TUFT1: variants seen among roughly 807,000 people sequenced by gnomAD.
TUFT1 encodes tuftelin.
In TUFT1, 43 loss-of-function variants were observed where a neutral mutation model predicts 57.8. That is an observed-to-expected ratio of 0.74 (90% CI 0.58 to 0.96). The LOEUF (loss-of-function observed/expected upper bound fraction) is 0.96, where lower values mean the gene tolerates loss of function less well. Ranked by LOEUF, TUFT1 falls within the 40% of genes least tolerant of loss-of-function variation. The probability of loss-of-function intolerance (pLI) is 0.00; values close to 1 mark genes in which losing one functional copy is unlikely to be tolerated. For synonymous variants in TUFT1, 166 were observed against 176.7 expected (o/e 0.94, Z 0.48); for missense variants, 459 against 489.0 (o/e 0.94, Z 0.58).
chr1:151,552,733 A>AT (rs1665551384), intron 1 of TUFT1, among the ~76,000 whole-genome samples: 3 of 149,716 alleles, frequency 2.0e-5, no homozygotes, highest in South Asian at 2.1e-4. Flanking sequence ...AAAAAAAAAA[A>AT]GGCATACAGA....
chr1:151,553,074 G>A (rs6587600), intron 1 of TUFT1, among the ~76,000 whole-genome samples: 146,166 of 152,154 alleles, frequency 0.96, 70,487 homozygotes, highest in East Asian at 1. Flanking sequence ...TATGACTTCA[G>A]ATCAAGCAAG....
chr1:151,563,196 T>C (rs1362156418), intron 3 of TUFT1, among the ~76,000 whole-genome samples: 1 of 152,164 alleles, frequency 6.6e-6, no homozygotes, highest in African/African-American at 2.4e-5. Context: ...ATGGAACTTA[T>C]TTTTTAAAAA....
intron 9 of TUFT1, among the ~76,000 whole-genome samples, chr1:151,577,587 C>T (rs1183083317): frequency 1.3e-5 from 2 of 152,098 alleles, no homozygotes; most frequent in Non-Finnish European, 2.9e-5. Context: ...GCTCAGTTTG[C>T]TTAGAAGATG....
At chr1:151,542,276 A>G (rs756860219) in intron 1 of TUFT1, among the ~76,000 whole-genome samples, 1 of 151,398 alleles carries the variant, frequency 6.6e-6, no homozygotes, top group Admixed American at 6.6e-5. Flanking sequence ...GCTGGAGTGC[A>G]ATGGCATGAT....
At chr1:151,565,605 G>A (rs767546585) in intron 5 of TUFT1, among the ~76,000 whole-genome samples, 39 of 152,244 alleles carry the variant, frequency 2.6e-4, no homozygotes, top group Non-Finnish European at 5.1e-4. Context: ...TGCAGAGACT[G>A]GCCCAAAGTC....
intron 11 of TUFT1, 76 bp downstream of exon 11, chr1:151,579,808 G>A: frequency 7.1e-7 from 1 of 1,412,138 alleles, no homozygotes; most frequent in South Asian, 1.2e-5. Context: ...CAGAGGTTAT[G>A]GGAGGGGTCT....
chr1:151,543,920 G>T (rs1222702343), intron 1 of TUFT1, among the ~76,000 whole-genome samples: 1 of 151,998 alleles, frequency 6.6e-6, no homozygotes, highest in Non-Finnish European at 1.5e-5. Context: ...ACTTTACCAT[G>T]GATGATCTCT....
chr1:151,578,987 A>T (rs1666565115), intron 10 of TUFT1, among the ~76,000 whole-genome samples, 161 bp downstream of exon 10: 1 of 152,138 alleles, frequency 6.6e-6, no homozygotes, highest in Non-Finnish European at 1.5e-5. Context: ...CTTTTCTCCC[A>T]TCTTTCCCCT....
intron 1 of TUFT1, among the ~76,000 whole-genome samples, chr1:151,544,631 T>G (rs574224089): frequency 2.0e-5 from 3 of 150,488 alleles, no homozygotes; most frequent in East Asian, 2.0e-4. Flanking sequence ...AGTTTCACTC[T>G]TGTTGCCCAG....
chr1:151,553,926 T>C (rs1665590288), intron 1 of TUFT1, among the ~76,000 whole-genome samples: 1 of 152,256 alleles, frequency 6.6e-6, no homozygotes, highest in Non-Finnish European at 1.5e-5. Context: ...GTTGAACCCC[T>C]TGTCATATGT....
At chr1:151,542,179 C>G (rs1416359932) in intron 1 of TUFT1, among the ~76,000 whole-genome samples, 5 of 151,990 alleles carry the variant, frequency 3.3e-5, no homozygotes, top group African/African-American at 1.2e-4. Context: ...AATCATTAAC[C>G]TCTACTATTT....
At chr1:151,543,272 G>C (rs1049054723) in intron 1 of TUFT1, among the ~76,000 whole-genome samples, 6 of 152,016 alleles carry the variant, frequency 3.9e-5, no homozygotes, top group African/African-American at 1.5e-4. Flanking sequence ...AACACTCTTA[G>C]AGTGTTAGTG....
intron 2 of TUFT1, 106 bp downstream of exon 2, chr1:151,562,271 G>C (rs543461929): frequency 1.0e-6 from 1 of 1,002,096 alleles, no homozygotes; most frequent in East Asian, 2.4e-5. Flanking sequence ...TGATGCGAGC[G>C]TGGGAGCCCC....
intron 1 of TUFT1, among the ~76,000 whole-genome samples, chr1:151,546,951 A>AT (rs34836413): frequency 0.37 from 55,967 of 152,034 alleles, 10,627 homozygotes; most frequent in Non-Finnish European, 0.41. Context: ...ATCTGTAGCC[A>AT]TTGCTGCTTA....
chr1:151,563,818 C>A, intron 3 of TUFT1, 86 bp from the exon 4 acceptor site: 2 of 1,132,724 alleles, frequency 1.8e-6, no homozygotes, highest in East Asian at 2.4e-5. Flanking sequence ...ACAATTTACC[C>A]TCCCACCAGC....
chr1:151,556,930 C>T (rs113469422), intron 1 of TUFT1, among the ~76,000 whole-genome samples: 2,958 of 152,162 alleles, frequency 0.019, 85 homozygotes, highest in African/African-American at 0.067. Context: ...GCCGAGATTG[C>T]GTCACTGTAC....
chr1:151,582,180 T>G lies in TUFT1; in HGVS notation c.*473T>G, dbSNP rs201617051. 5.1e-5 allele frequency: 23 copies of G among 453,460 alleles called. No individual in the cohort carries two copies. The East Asian group carries it at 1.6e-3, about 31-fold the overall frequency. 28.1% of individuals were successfully genotyped at this position (453,460 alleles called of 1,614,324 possible). A position where few individuals can be genotyped will look rare whatever the true frequency, so the allele number is the denominator to read the frequency against. ...CAGCTCAGTTCTTAGCAACAAACTG[T>G]TTGTTTTTCTACTTGCTCCATCTGC... On this transcript the variant is annotated 3_prime_UTR_variant, in exon 13 of 13. Coordinates refer to ENST00000368849, the MANE Select transcript of TUFT1 (RefSeq NM_020127.3).
chr1:151,566,535 A>G (rs915398351), intron 6 of TUFT1, among the ~76,000 whole-genome samples: 2 of 152,142 alleles, frequency 1.3e-5, no homozygotes, highest in African/African-American at 4.8e-5. Flanking sequence ...CCTGGGTCCC[A>G]TCCCTAGAGC....
At chr1:151,560,758 T>C (rs1665856493) in intron 1 of TUFT1, among the ~76,000 whole-genome samples, 1 of 152,152 alleles carries the variant, frequency 6.6e-6, no homozygotes, top group African/African-American at 2.4e-5. Flanking sequence ...ATATACTTGG[T>C]CCAACTTCCT....
Sources: allele counts gnomAD v4.1 joint callset (sites outside exome capture counted in the v4.1 genomes callset), GRCh38; gene constraint gnomAD v4.1.1; transcripts MANE v1.5; gene names NCBI Gene and HGNC (gene_info 2026-07-23, HGNC 2026-07-21).